CHD7: variants seen among roughly 807,000 people sequenced by gnomAD.
CHD7 encodes the protein chromodomain helicase DNA binding protein 7.
In CHD7, 24 loss-of-function variants were observed where a neutral mutation model predicts 307.3. The observed-to-expected ratio is 0.08, with a 90% CI of 0.06 to 0.11. CHD7 has a LOEUF of 0.11. Among genes scored for constraint, CHD7 ranks in the 10% least tolerant of loss-of-function variants. The pLI is 1.00. For synonymous variants in CHD7, 1,363 were observed against 1,349.9 expected (o/e 1.01, Z -0.21); for missense variants, 3,106 against 3,727.1 (o/e 0.83, Z 4.34).
chr8:60,741,110 A>T, intron 1 of CHD7, 149 bp from the exon 2 acceptor site: 1 of 312,150 alleles, frequency 3.2e-6, no homozygotes, highest in South Asian at 6.1e-5. Flanking sequence ...AAGTGAACTA[A>T]ATTTATAAAA....
intron 23 of CHD7, among the ~76,000 whole-genome samples, chr8:60,847,109 G>C (rs1397743793): frequency 6.6e-6 from 1 of 152,176 alleles, no homozygotes; most frequent in Non-Finnish European, 1.5e-5. Flanking sequence ...TAAAGAAATA[G>C]AAATGAGTTA....
Position 60,796,297 on chromosome 8 carries a change from C to A in CHD7, c.2238+1170C>A, listed in dbSNP as rs140216818. 7.3e-3 allele frequency among the ~76,000 whole-genome samples: 1,111 copies of A among 152,298 alleles called. 12 individuals are homozygous for A. The highest frequency in any genetic ancestry group is 0.014 in the East Asian group (75 of 5,188). On this transcript the variant is annotated intron_variant, in intron 4 of 37. Coordinates refer to ENST00000423902, the MANE Select transcript of CHD7 (RefSeq NM_017780.4). Reference sequence around the variant, plus strand: ...AGATATTGGGAAGGTAAGTAGATATCATTTTTTAATTGCGTAGGCTGTTTT... The same window carrying A: ...AGATATTGGGAAGGTAAGTAGATATAATTTTTTAATTGCGTAGGCTGTTTT...
At chr8:60,816,539 T>G in intron 8 of CHD7, 38 bp downstream of exon 8, 1 of 1,188,302 alleles carries the variant, frequency 8.4e-7, no homozygotes, top group Non-Finnish European at 1.2e-6. Flanking sequence ...AGTATTTACT[T>G]TGTTAAAATG....
At chr8:60,813,778 T>A (rs1342522252) in intron 7 of CHD7, among the ~76,000 whole-genome samples, 1 of 151,726 alleles carries the variant, frequency 6.6e-6, no homozygotes, top group Non-Finnish European at 1.5e-5. Context: ...CTTAATGTGA[T>A]GTGGAGTTGT....
chr8:60,835,835 G>GA (rs1804717567), intron 15 of CHD7, among the ~76,000 whole-genome samples: 4 of 152,112 alleles, frequency 2.6e-5, no homozygotes, highest in Admixed American at 2.6e-4. Flanking sequence ...TTTGTTTGTT[G>GA]AAAAATGTGG....
intron 8 of CHD7, among the ~76,000 whole-genome samples, chr8:60,818,202 T>C (rs981866712): frequency 1.3e-5 from 2 of 152,210 alleles, no homozygotes; most frequent in East Asian, 3.9e-4. Flanking sequence ...CTGTACTGCT[T>C]TGAGATTTTC....
chr8:60,828,481 C>T (rs1487621296), intron 13 of CHD7, among the ~76,000 whole-genome samples, 182 bp from the exon 14 acceptor site: 1 of 152,182 alleles, frequency 6.6e-6, no homozygotes, highest in Non-Finnish European at 1.5e-5. Context: ...GAGGACTGTC[C>T]ATGGATCTGT....
In CHD7 at chr8:60,805,156, A is replaced by G. The variant is rs1335227187; in HGVS notation, c.2443-3061A>G. On this transcript the variant is annotated intron_variant, in intron 6 of 37. Transcript: ENST00000423902. ...GGGTAGGGGCTGTTTGAAGCTGTCA[A>G]CAGAGGCTGGTCAAACTGCCTCCCA... Among the ~76,000 whole-genome samples the G allele has an allele frequency of 4.6e-5, 7 of 152,322 alleles. No homozygotes were observed. In the South Asian group the frequency reaches 1.0e-3, roughly 23 times the overall value.
At chr8:60,705,238 G>T (rs905481512) in intron 1 of CHD7, among the ~76,000 whole-genome samples, 2 of 152,198 alleles carry the variant, frequency 1.3e-5, no homozygotes, top group African/African-American at 4.8e-5. Context: ...GAATGGATGG[G>T]TACAGATGTT....
intron 13 of CHD7, among the ~76,000 whole-genome samples, chr8:60,828,118 T>TA (rs1804338331): frequency 6.6e-6 from 1 of 151,950 alleles, no homozygotes; most frequent in African/African-American, 2.4e-5. Flanking sequence ...AGCATCTGAT[T>TA]AAAAAAAAGT....
chr8:60,761,646 C>G (rs188175519), intron 2 of CHD7, among the ~76,000 whole-genome samples: 37 of 151,778 alleles, frequency 2.4e-4, no homozygotes, highest in African/African-American at 8.0e-4. Context: ...GGATGTTCAT[C>G]CAGGCTTCCC....
chr8:60,853,124 A>G lies in CHD7; in HGVS notation c.6399A>G (p.Gln2133=). Residue 2133 remains glutamine, a synonymous_variant, in exon 31 of 38, where the codon CAA becomes CAG. Coordinates refer to ENST00000423902, the MANE Select transcript of CHD7 (RefSeq NM_017780.4). ...SFLDAHKNFA[Q]NRGAGNTSSL... ...TGGATGCACATAAAAACTTTGCTCAAAACAGAGGGGCAGGTAATACATCTT... is the reference window on the plus strand; with the variant it reads ...TGGATGCACATAAAAACTTTGCTCAGAACAGAGGGGCAGGTAATACATCTT... The G allele has an allele frequency of 2.5e-6, 4 of 1,613,922 alleles. No individual in the cohort carries two copies. Among genetic ancestry groups the G allele is most frequent in the Non-Finnish European group, 3.4e-6 (4 of 1,179,886 alleles).
Position 60,816,512 on chromosome 8 carries a change from C to T in CHD7, c.2613+11C>T. On this transcript the variant is annotated intron_variant, in intron 8 of 37. Transcript: ENST00000423902. ...AAGTTCCTTTCAGAGGTACGACATA[C>T]CTGCTTACTTTTCCAAAGTATTTAC... is the stretch of plus-strand genomic sequence containing the variant. 1 of 1,423,254 alleles carries T rather than the reference C, an allele frequency of 7.0e-7. No individual in the cohort carries two copies. 88.2% of individuals were successfully genotyped at this position (1,423,254 alleles called of 1,614,324 possible).
intron 11 of CHD7, 52 bp downstream of exon 11, chr8:60,822,197 C>A (rs1804074720): frequency 2.0e-6 from 3 of 1,472,172 alleles, no homozygotes; most frequent in African/African-American, 1.4e-5. Flanking sequence ...AGTTCCTTTC[C>A]TTTAGTTATT....
At chr8:60,754,340 C>T (rs1809783372) in intron 2 of CHD7, among the ~76,000 whole-genome samples, 1 of 152,188 alleles carries the variant, frequency 6.6e-6, no homozygotes, top group South Asian at 2.1e-4. Context: ...ACCGATTATA[C>T]AGAATTATGA....
chr8:60,711,813 G>A (rs973892588), intron 1 of CHD7, among the ~76,000 whole-genome samples: 6 of 152,192 alleles, frequency 3.9e-5, no homozygotes, highest in African/African-American at 9.7e-5. Flanking sequence ...AGATTGAGAC[G>A]CTTTTGTTGG....
chr8:60,744,247 G>A (rs898778157), intron 2 of CHD7, among the ~76,000 whole-genome samples: 1 of 152,084 alleles, frequency 6.6e-6, no homozygotes, highest in Non-Finnish European at 1.5e-5. Flanking sequence ...TTGTGATCTT[G>A]GATTCCTTTT....
chr8:60,762,613 A>T (rs1810269667), intron 2 of CHD7, among the ~76,000 whole-genome samples: 1 of 152,218 alleles, frequency 6.6e-6, no homozygotes, highest in Non-Finnish European at 1.5e-5. Context: ...CTTGGTACAT[A>T]GTAAGTTGTC....
chr8:60,790,458 A>G (rs1465104525), intron 3 of CHD7, among the ~76,000 whole-genome samples: 1 of 152,222 alleles, frequency 6.6e-6, no homozygotes, highest in Non-Finnish European at 1.5e-5. Context: ...TTTTTAAAAA[A>G]TGCTAGGTTT....
Sources: allele counts gnomAD v4.1 joint callset (sites outside exome capture counted in the v4.1 genomes callset), GRCh38; gene constraint gnomAD v4.1.1; transcripts MANE v1.5; gene names NCBI Gene and HGNC (gene_info 2026-07-23, HGNC 2026-07-21).